The following TAC1 variants were observed in gnomAD, a reference collection of about 807,000 sequenced individuals.
The protein encoded by TAC1 is tachykinin precursor 1.
In TAC1, 12 loss-of-function variants were observed where a neutral mutation model predicts 21.7. The observed-to-expected ratio is 0.55, with a 90% CI of 0.35 to 0.89. The LOEUF is 0.89. Ranked by LOEUF, TAC1 falls within the 40% of genes least tolerant of loss-of-function variation. The pLI, the probability that TAC1 is intolerant of heterozygous loss-of-function variation, is 0.01. For missense variants in TAC1, 128 were observed against 151.4 expected (o/e 0.85, Z 0.81); for synonymous variants, 52 against 52.0 (o/e 1.00, Z 0.00).
intron 6 of TAC1, among the ~76,000 whole-genome samples, chr7:97,739,583 G>A (rs111874624): frequency 7.2e-5 from 11 of 152,140 alleles, no homozygotes; most frequent in African/African-American, 2.6e-4. Context: ...GCCACTGCTT[G>A]AGAAAGCTGC....
intron 3 of TAC1, 156 bp downstream of exon 3, chr7:97,733,975 G>T (rs571864424): frequency 3.5e-4 from 270 of 761,276 alleles, no homozygotes; most frequent in Non-Finnish European, 5.4e-4. Context: ...CCGCACTAAG[G>T]CACGCACGGG....
Position 97,732,960 on chromosome 7 carries a change from A to G in TAC1, c.123+225A>G. 1 of 539,330 alleles carries G rather than the reference A, an allele frequency of 1.9e-6. No individual in the cohort carries two copies. Among genetic ancestry groups the G allele is most frequent in the Non-Finnish European group, 3.2e-6 (1 of 310,510 alleles). The allele number at this position is 539,330 out of a possible 1,614,324, so 33.4% of individuals were successfully genotyped here. On this transcript the variant is annotated intron_variant, in intron 2 of 6. Transcript: ENST00000319273. This position sits in a 1 kb window ranked among gnomAD's most constrained non-coding sequence, Gnocchi z 6.2. ...CGAGGGCTGCACCGTCCGGCCCAGG[A>G]ACTCCCTGCAGTAGGGATGCCCTCC...
At position 97,732,591 on chromosome 7, in the gene TAC1, T is replaced by TACCCCTTCC; in HGVS notation, c.-9-12_-9-4dup. ...TTCTCTCTTTGGTGTCTTCTCCTCC[T>TACCCCTTCC]ACCCCTTCCCAGAAATCCAACATGA... On this transcript the variant is annotated splice_polypyrimidine_tract_variant and intron_variant, in intron 1 of 6. Transcript: ENST00000319273. This position sits in a 1 kb window ranked among gnomAD's most constrained non-coding sequence, Gnocchi z 6.2. The TACCCCTTCC allele has an allele frequency of 1.9e-6, 3 of 1,614,076 alleles. No individual in the cohort carries two copies. Among genetic ancestry groups the TACCCCTTCC allele is most frequent in the Non-Finnish European group, 2.5e-6 (3 of 1,179,976 alleles).
At chr7:97,734,353 A>G in intron 4 of TAC1, 61 bp downstream of exon 4, 1 of 1,459,426 alleles carries the variant, frequency 6.9e-7, no homozygotes, top group Non-Finnish European at 9.5e-7. Flanking sequence ...AAAGTGAAAT[A>G]AAATCTTTTA....
At chr7:97,733,477 C>A (rs1464752373) in intron 2 of TAC1, among the ~76,000 whole-genome samples, 1 of 151,984 alleles carries the variant, frequency 6.6e-6, no homozygotes, top group Non-Finnish European at 1.5e-5. Context: ...GGAAAGCGCT[C>A]GAAGCTTGAA....
chr7:97,732,468 A>G lies in TAC1; in HGVS notation c.-9-136A>G, dbSNP rs760947254. 7 of 1,016,560 alleles carry G rather than the reference A, an allele frequency of 6.9e-6. No individual in the cohort carries two copies. The highest frequency in any genetic ancestry group is 2.2e-4 in the Middle Eastern group (1 of 4,650). The allele number at this position is 1,016,560 out of a possible 1,614,324, so 63.0% of individuals were successfully genotyped here. A position where few individuals can be genotyped will look rare whatever the true frequency, so the allele number is the denominator to read the frequency against. On this transcript the variant is annotated intron_variant, in intron 1 of 6. Coordinates refer to ENST00000319273, the MANE Select transcript of TAC1 (RefSeq NM_003182.3). This position sits in a 1 kb window ranked among gnomAD's most constrained non-coding sequence, Gnocchi z 6.2. The stretch of plus-strand genomic sequence containing the variant: ...CTCTCGCCTAACCGGTACAGGTGAG[A>G]CTTCAGTCCTTATGTTTTTGATCTT...
intron 2 of TAC1, among the ~76,000 whole-genome samples, chr7:97,733,442 G>C (rs1439599558): frequency 6.6e-6 from 1 of 152,026 alleles, no homozygotes; most frequent in African/African-American, 2.4e-5. Context: ...GATGAGGGAA[G>C]GTCCCCGGGC....
intron 6 of TAC1, among the ~76,000 whole-genome samples, 178 bp downstream of exon 6, chr7:97,736,530 C>T (rs1229434): frequency 0.6 from 90,929 of 151,898 alleles, 27,833 homozygotes; most frequent in African/African-American, 0.74. Context: ...TAAGCTAATA[C>T]TACCACAGTA....
chr7:97,739,693 C>A (rs1789659002), intron 6 of TAC1, among the ~76,000 whole-genome samples, 181 bp from the exon 7 acceptor site: 1 of 151,930 alleles, frequency 6.6e-6, no homozygotes, highest in Non-Finnish European at 1.5e-5. Flanking sequence ...AGATCATTTC[C>A]AATCAGAATA....
intron 6 of TAC1, among the ~76,000 whole-genome samples, chr7:97,737,568 C>G (rs1197524368): frequency 6.6e-6 from 1 of 151,930 alleles, no homozygotes; most frequent in Non-Finnish European, 1.5e-5. Context: ...TTGAAAAGTT[C>G]TAAGTGTTTC....
In TAC1 at chr7:97,740,184, A is replaced by G. The variant is rs12534885; in HGVS notation, c.*264A>G. Reference sequence around the variant, plus strand: ...TTAAATGAAATTGTAAAACCTGTCAATGATACAGTCCCTAAAGAAAAAAAA... The same window carrying G: ...TTAAATGAAATTGTAAAACCTGTCAGTGATACAGTCCCTAAAGAAAAAAAA... On this transcript the variant is annotated 3_prime_UTR_variant, in exon 7 of 7. Transcript: ENST00000319273. The G allele has an allele frequency of 0.18, 48,303 of 261,670 alleles. 4,656 individuals carry two copies. The highest frequency in any genetic ancestry group is 0.26 in the East Asian group (3,701 of 14,500). The allele number at this position is 261,670 out of a possible 1,614,324, so 16.2% of individuals were successfully genotyped here.
At chr7:97,737,873 C>A (rs1206479248) in intron 6 of TAC1, among the ~76,000 whole-genome samples, 3 of 151,922 alleles carry the variant, frequency 2.0e-5, no homozygotes, top group Non-Finnish European at 4.4e-5. Flanking sequence ...CATACTAGTC[C>A]TCACTTAATT....
Position 97,732,858 on chromosome 7 carries a change from G to C in TAC1, c.123+123G>C. ...GCCACCACGGAAAGAGGCAGCGGTTGCGTGCGAGAGGATGGAAAGGGGCAC... is the reference window on the plus strand; with the variant it reads ...GCCACCACGGAAAGAGGCAGCGGTTCCGTGCGAGAGGATGGAAAGGGGCAC... On this transcript the variant is annotated intron_variant, in intron 2 of 6. Coordinates refer to ENST00000319273, the MANE Select transcript of TAC1 (RefSeq NM_003182.3). The surrounding 1 kb of genome is among the most constrained non-coding windows in gnomAD (Gnocchi z 6.2). 1 of 1,290,590 alleles carries C rather than the reference G, an allele frequency of 7.7e-7. No homozygotes were observed. Among genetic ancestry groups the C allele is most frequent in the Admixed American group, 2.5e-5 (1 of 40,338 alleles). 79.9% of individuals were successfully genotyped at this position (1,290,590 alleles called of 1,614,324 possible).
In TAC1 at chr7:97,733,641, A is replaced by G. The variant is rs181650984; in HGVS notation, c.124-82A>G. 199 of 1,397,116 alleles carry G rather than the reference A, an allele frequency of 1.4e-4. 1 individual carries two copies. In the African/African-American group the frequency reaches 2.4e-3, roughly 17 times the overall value. The allele number at this position is 1,397,116 out of a possible 1,614,324, so 86.5% of individuals were successfully genotyped here. A position where few individuals can be genotyped will look rare whatever the true frequency, so the allele number is the denominator to read the frequency against. On this transcript the variant is annotated intron_variant, in intron 2 of 6. Coordinates refer to ENST00000319273, the MANE Select transcript of TAC1 (RefSeq NM_003182.3). Reference sequence around the variant, plus strand: ...CCTCCCCACGCCTCGGGGCCGGAGTACAGCGGGGGGAAGGGCTCGGGTTGC... The same window carrying G: ...CCTCCCCACGCCTCGGGGCCGGAGTGCAGCGGGGGGAAGGGCTCGGGTTGC...
intron 6 of TAC1, among the ~76,000 whole-genome samples, chr7:97,737,616 G>T (rs192895226): frequency 1.3e-5 from 2 of 152,006 alleles, no homozygotes; most frequent in East Asian, 3.9e-4. Context: ...CAATAAATCT[G>T]GAATTTGAAG....
rs1789457125 is a variant in TAC1, at chr7:97,732,466, A to G, written c.-9-138A>G. 1.0e-6 allele frequency: 1 copy of G among 996,916 alleles called. No individual in the cohort carries two copies. Among genetic ancestry groups the G allele is most frequent in the Non-Finnish European group, 1.5e-6 (1 of 666,198 alleles). The allele number at this position is 996,916 out of a possible 1,614,324, so 61.8% of individuals were successfully genotyped here. A position where few individuals can be genotyped will look rare whatever the true frequency, so the allele number is the denominator to read the frequency against. On this transcript the variant is annotated intron_variant, in intron 1 of 6. Transcript: ENST00000319273. The surrounding 1 kb of genome is among the most constrained non-coding windows in gnomAD (Gnocchi z 6.2). ...TTCTCTCGCCTAACCGGTACAGGTGAGACTTCAGTCCTTATGTTTTTGATC... is the reference window on the plus strand; with the variant it reads ...TTCTCTCGCCTAACCGGTACAGGTGGGACTTCAGTCCTTATGTTTTTGATC...
At chr7:97,734,381 T>A in intron 4 of TAC1, 89 bp downstream of exon 4, 2 of 1,168,010 alleles carry the variant, frequency 1.7e-6, no homozygotes, top group Non-Finnish European at 2.5e-6. Flanking sequence ...AAATACAAGA[T>A]CTGGGTCATG....
At position 97,732,987 on chromosome 7, in the gene TAC1, GGATGA is replaced by G; in HGVS notation, c.123+254_123+258del. 2.4e-6 allele frequency: 1 copy of G among 417,360 alleles called. No homozygotes were observed. Among genetic ancestry groups the G allele is most frequent in the Non-Finnish European group, 4.3e-6 (1 of 230,702 alleles). 25.9% of individuals were successfully genotyped at this position (417,360 alleles called of 1,614,324 possible). A position where few individuals can be genotyped will look rare whatever the true frequency, so the allele number is the denominator to read the frequency against. On this transcript the variant is annotated intron_variant, in intron 2 of 6. Coordinates refer to ENST00000319273, the MANE Select transcript of TAC1 (RefSeq NM_003182.3). This position sits in a 1 kb window ranked among gnomAD's most constrained non-coding sequence, Gnocchi z 6.2. ...CTCCCTGCAGTAGGGATGCCCTCCC[GGATGA>G]GCCCGAGATCCTCACAAGGCGGGAA... is the stretch of plus-strand genomic sequence containing the variant.
chr7:97,734,945 T>A, intron 5 of TAC1, 96 bp downstream of exon 5: 1 of 924,430 alleles, frequency 1.1e-6, no homozygotes, highest in South Asian at 1.6e-5. Context: ...GTCATGACTC[T>A]AGGGCTTAAT....
Sources: gnomAD v4.1 joint callset for allele counts (sites outside exome capture counted in the v4.1 genomes callset) on GRCh38, gnomAD v4.1.1 for gene constraint, Gnocchi (gnomAD v3.1) non-coding constraint, MANE v1.5 for transcripts, NCBI Gene and HGNC (gene_info 2026-07-23, HGNC 2026-07-21) for gene names.